ARHGAP26: variants seen among roughly 807,000 people sequenced by gnomAD.
The protein encoded by ARHGAP26 is rho GTPase-activating protein 26.
A neutral mutation model predicts 104.8 loss-of-function variants in ARHGAP26; 38 were observed. The observed-to-expected ratio is 0.36, with a 90% confidence interval of 0.28 to 0.48. The LOEUF (loss-of-function observed/expected upper bound fraction) is 0.48, where lower values mean the gene tolerates loss of function less well. ARHGAP26 is among the 20% of genes least tolerant of loss of function. ARHGAP26 has a pLI of 0.99. For missense variants in ARHGAP26, 704 were observed against 947.9 expected (o/e 0.74, Z 3.38); for synonymous variants, 341 against 340.0 (o/e 1.00, Z -0.03).
chr5:143,082,083 C>T (rs189868458), intron 17 of ARHGAP26, among the ~76,000 whole-genome samples: 82 of 149,760 alleles, frequency 5.5e-4, no homozygotes, highest in Non-Finnish European at 1.0e-3. Context: ...TTGCTGGGGA[C>T]GTTTGAGAGT....
intron 11 of ARHGAP26, among the ~76,000 whole-genome samples, chr5:142,969,562 C>T (rs1040422654): frequency 6.6e-6 from 1 of 152,174 alleles, no homozygotes; most frequent in Non-Finnish European, 1.5e-5. Flanking sequence ...GGTAGAAGAG[C>T]TCCAGTTGGA....
chr5:143,181,970 C>T (rs535793664), intron 20 of ARHGAP26, among the ~76,000 whole-genome samples: 5 of 152,292 alleles, frequency 3.3e-5, no homozygotes, highest in East Asian at 1.9e-4. Flanking sequence ...ACGGCTGCCT[C>T]CCTGGCTTGT....
At chr5:142,867,191 T>C (rs1341243787) in intron 1 of ARHGAP26, among the ~76,000 whole-genome samples, 1 of 152,164 alleles carries the variant, frequency 6.6e-6, no homozygotes. Context: ...TTCTCTGATA[T>C]AGTTGATTGC....
intron 10 of ARHGAP26, among the ~76,000 whole-genome samples, chr5:142,918,837 G>A (rs536832792): frequency 3.3e-5 from 5 of 152,074 alleles, no homozygotes; most frequent in Non-Finnish European, 5.9e-5. Flanking sequence ...ATCTCAAACC[G>A]AAAACTTGCT....
chr5:143,009,515 C>T (rs562628278), intron 11 of ARHGAP26, among the ~76,000 whole-genome samples: 1 of 152,242 alleles, frequency 6.6e-6, no homozygotes, highest in African/African-American at 2.4e-5. Flanking sequence ...GTATGAGAAC[C>T]GAATAAGACA....
At chr5:142,902,090 A>G in intron 7 of ARHGAP26, 51 bp downstream of exon 7, 3 of 1,515,014 alleles carry the variant, frequency 2.0e-6, no homozygotes, top group Non-Finnish European at 2.7e-6. Flanking sequence ...GAAAAACAAA[A>G]TATGGGCCTG....
At chr5:142,903,716 A>G in intron 8 of ARHGAP26, 47 bp downstream of exon 8, 1 of 1,590,222 alleles carries the variant, frequency 6.3e-7, no homozygotes, top group Non-Finnish European at 8.6e-7. Context: ...CAGGCCTCTT[A>G]CCTAGAAGGT....
chr5:142,984,734 C>T (rs953966669), intron 11 of ARHGAP26, among the ~76,000 whole-genome samples: 4 of 151,918 alleles, frequency 2.6e-5, no homozygotes, highest in Non-Finnish European at 4.4e-5. Context: ...CTGTTGTAGC[C>T]GTCATATTAC....
At position 142,809,335 on chromosome 5, in the gene ARHGAP26, C is replaced by T. The variant is rs1201096545; in HGVS notation, c.154+38420C>T. 2.0e-5 allele frequency among the ~76,000 whole-genome samples: 3 copies of T among 152,032 alleles called. No homozygotes were observed. The East Asian group carries it at 5.8e-4, about 29-fold the overall frequency. The stretch of plus-strand genomic sequence containing the variant: ...TAGGTCTACTGTAAATAAAAGTTCC[C>T]CAAGAGAGAAGCCAGGATGTGAAGG... On this transcript the variant is annotated intron_variant, in intron 1 of 22. Transcript: ENST00000645722.
intron 12 of ARHGAP26, among the ~76,000 whole-genome samples, chr5:143,032,708 T>C (rs550664806): frequency 4.6e-5 from 7 of 152,358 alleles, no homozygotes; most frequent in African/African-American, 1.7e-4. Context: ...ATGTGTGCAC[T>C]GTAGTCCCTA....
intron 12 of ARHGAP26, among the ~76,000 whole-genome samples, chr5:143,028,344 T>C (rs975399874): frequency 5.9e-5 from 9 of 152,190 alleles, no homozygotes; most frequent in Non-Finnish European, 1.2e-4. Flanking sequence ...GAAAATCAAA[T>C]AAACTATAGT....
intron 1 of ARHGAP26, among the ~76,000 whole-genome samples, chr5:142,827,375 G>A (rs915736248): frequency 1.3e-5 from 2 of 152,224 alleles, no homozygotes; most frequent in African/African-American, 4.8e-5. Context: ...TAGTTTGGGA[G>A]CTGAGTCAGC....
At chr5:143,175,359 G>T (rs745635192) in intron 20 of ARHGAP26, among the ~76,000 whole-genome samples, 2 of 152,166 alleles carry the variant, frequency 1.3e-5, no homozygotes, top group Non-Finnish European at 2.9e-5. Context: ...GTGGCACTCT[G>T]TGGTGACAGT....
At chr5:143,010,490 A>G (rs1049218970) in intron 11 of ARHGAP26, among the ~76,000 whole-genome samples, 1 of 152,228 alleles carries the variant, frequency 6.6e-6, no homozygotes, top group East Asian at 1.9e-4. Flanking sequence ...CTGAGCCACC[A>G]TCTGGTTGCT....
rs6872438 is a variant in ARHGAP26 at position 142,787,255 on chromosome 5, G to A, written c.154+16340G>A. On this transcript the variant is annotated intron_variant, in intron 1 of 22. Coordinates refer to ENST00000645722, the MANE Select transcript of ARHGAP26 (RefSeq NM_001135608.3). ...TGTCTCATTTTTATCATTGGGGTGG[G>A]AGAGTGCCATTAAAATGGTCTTTAA... is the stretch of plus-strand genomic sequence containing the variant. 1.6e-3 allele frequency among the ~76,000 whole-genome samples: 244 copies of A among 152,292 alleles called. 3 individuals carry two copies. Among genetic ancestry groups the A allele is most frequent in the African/African-American group, 5.7e-3 (237 of 41,536 alleles).
chr5:142,986,193 G>A (rs1038262427), intron 11 of ARHGAP26, among the ~76,000 whole-genome samples: 9 of 152,040 alleles, frequency 5.9e-5, no homozygotes, highest in Admixed American at 3.3e-4. Flanking sequence ...TTTAATGATC[G>A]CCATTCTAAC....
At chr5:142,977,426 A>C (rs946510193) in intron 11 of ARHGAP26, among the ~76,000 whole-genome samples, 11 of 152,186 alleles carry the variant, frequency 7.2e-5, no homozygotes, top group African/African-American at 9.7e-5. Context: ...ATTAAAAAAA[A>C]AACAACAGTG....
At chr5:143,002,610 A>G (rs1418876724) in intron 11 of ARHGAP26, among the ~76,000 whole-genome samples, 2 of 152,172 alleles carry the variant, frequency 1.3e-5, no homozygotes, top group Admixed American at 6.5e-5. Context: ...TCCTACATAC[A>G]TGTCAGCTTG....
At chr5:143,133,142 G>T (rs2150892217) in intron 18 of ARHGAP26, among the ~76,000 whole-genome samples, 1 of 152,184 alleles carries the variant, frequency 6.6e-6, no homozygotes, top group South Asian at 2.1e-4. Flanking sequence ...TAGAAATAAA[G>T]ATGAGAGTTG....
Sources: allele counts gnomAD v4.1 joint callset (sites outside exome capture counted in the v4.1 genomes callset), GRCh38; gene constraint gnomAD v4.1.1; transcripts MANE v1.5; gene names NCBI Gene and HGNC (gene_info 2026-07-23, HGNC 2026-07-21).